ZSCAN30: variants seen among roughly 807,000 people sequenced by gnomAD.
ZSCAN30 encodes zinc finger and SCAN domain containing 30.
ZSCAN30 carries 37 observed loss-of-function variants against 44.3 expected under a neutral mutation model. The observed-to-expected ratio is 0.84, with a 90% CI of 0.64 to 1.10. The LOEUF (loss-of-function observed/expected upper bound fraction) is 1.10, where lower values mean the gene tolerates loss of function less well. Among genes scored for constraint, ZSCAN30 ranks in the 50% least tolerant of loss-of-function variants. ZSCAN30 has a pLI of 0.00. For missense variants in ZSCAN30, 549 were observed against 582.6 expected, an observed-to-expected ratio of 0.94 and a Z score of 0.59; for synonymous variants, 181 against 204.6, an observed-to-expected ratio of 0.88 and a Z score of 0.98.
In ZSCAN30 at chr18:35,253,859, C is replaced by T; in HGVS notation, c.1076G>A (p.Cys359Tyr). ...CCTGAAGGCTTTTCCACATTCACAACATTCATAGGGTTTTTCACCACTATG... is the reference window on the plus strand; with the variant it reads ...CCTGAAGGCTTTTCCACATTCACAATATTCATAGGGTTTTTCACCACTATG... ...RIHSGEKPYE[C>Y]CECGKAFRGS... Residue 359 changes from cysteine to tyrosine, a missense_variant, in exon 4 of 4, where the codon TGT (cysteine) becomes TAT (tyrosine). Cys to Tyr is a radical substitution (Grantham distance 194). Coordinates refer to ENST00000333206, the MANE Select transcript of ZSCAN30 (RefSeq NM_001112734.4). 1 of 1,614,202 alleles carries T rather than the reference C, an allele frequency of 6.2e-7. No homozygotes were observed. The highest frequency in any genetic ancestry group is 2.2e-5 in the East Asian group (1 of 44,892).
rs544570583 is a variant in ZSCAN30, at chr18:35,287,627, G to A, written c.-104+2457C>T. ...TTACCCTAAATCTCAGAGTTGTATG[G>A]GTAGAAACAAATTAATTCCAGATGG... On this transcript the variant is annotated intron_variant, in intron 1 of 3. Coordinates refer to ENST00000333206, the MANE Select transcript of ZSCAN30 (RefSeq NM_001112734.4). Among the ~76,000 whole-genome samples the A allele has an allele frequency of 1.9e-4, 28 of 150,714 alleles. No homozygotes were observed. In the South Asian group the frequency reaches 5.9e-3, roughly 32 times the overall value.
intron 1 of ZSCAN30, among the ~76,000 whole-genome samples, chr18:35,285,844 G>A (rs1569086020): frequency 6.6e-6 from 1 of 151,760 alleles, no homozygotes; most frequent in Non-Finnish European, 1.5e-5. Context: ...GAGAAAAAAG[G>A]AAATAATAAG....
chr18:35,271,150 C>G (rs8094729), intron 1 of ZSCAN30, among the ~76,000 whole-genome samples: 134,838 of 151,994 alleles, frequency 0.89, 60,141 homozygotes, highest in Non-Finnish European at 0.92. Flanking sequence ...ACCCTCCGCA[C>G]TGTGGAAAAG....
In ZSCAN30 at chr18:35,253,381, T is replaced by C; in HGVS notation, c.*69A>G. 1.4e-6 allele frequency: 2 copies of C among 1,390,778 alleles called. No individual in the cohort carries two copies. 86.2% of individuals were successfully genotyped at this position (1,390,778 alleles called of 1,614,324 possible). ...AGTTCTGCTCTCAGGAAACTTTTCT[T>C]TTCTGTGGAGTCTCACCCCTACAGT... On this transcript the variant is annotated 3_prime_UTR_variant, in exon 4 of 4. Coordinates refer to ENST00000333206, the MANE Select transcript of ZSCAN30 (RefSeq NM_001112734.4).
chr18:35,251,951 T>C lies in ZSCAN30; in HGVS notation c.*1499A>G, dbSNP rs1420826972. The stretch of plus-strand genomic sequence containing the variant: ...AATCAAACTTTCTTTTAGGTATTAA[T>C]TGCCCTCAGCAATTGTGGGTTAATT... On this transcript the variant is annotated 3_prime_UTR_variant, in exon 4 of 4. Transcript: ENST00000333206. The C allele has an allele frequency of 4.6e-5, 7 of 152,204 alleles. No homozygotes were observed. Among genetic ancestry groups the C allele is most frequent in the Non-Finnish European group, 1.0e-4 (7 of 68,046 alleles). The allele number at this position is 152,204 out of a possible 1,614,324, so 9.4% of individuals were successfully genotyped here. A position where few individuals can be genotyped will look rare whatever the true frequency, so the allele number is the denominator to read the frequency against.
At chr18:35,263,434 G>C (rs1043093055) in intron 3 of ZSCAN30, 79 bp downstream of exon 3, 2 of 1,562,424 alleles carry the variant, frequency 1.3e-6, no homozygotes, top group African/African-American at 1.4e-5. Flanking sequence ...ACAAGTGGCT[G>C]TCGTTAAGAA....
intron 3 of ZSCAN30, chr18:35,263,270 GA>G (rs1046868151): frequency 4.4e-5 from 20 of 459,768 alleles, no homozygotes; most frequent in South Asian, 3.3e-4. Context: ...AAAAGAAAAA[GA>G]AAAAAAATAA....
chr18:35,254,590 A>G, intron 3 of ZSCAN30: 1 of 796,586 alleles, frequency 1.3e-6, no homozygotes, highest in South Asian at 1.8e-5. Flanking sequence ...GAAATGAATT[A>G]GTATTGGAGA....
At chr18:35,262,263 G>A (rs2044042726) in intron 3 of ZSCAN30, 1 of 152,146 alleles carries the variant, frequency 6.6e-6, no homozygotes, top group South Asian at 2.1e-4. Flanking sequence ...AGATTGCTTG[G>A]TGAAGACAAA....
intron 3 of ZSCAN30, chr18:35,262,445 C>T (rs2044046321): frequency 1.3e-5 from 2 of 152,228 alleles, no homozygotes; most frequent in African/African-American, 4.8e-5. Flanking sequence ...CAAATCTACG[C>T]TTCATTGCCC....
In ZSCAN30 at chr18:35,281,517, G is replaced by T. The variant is rs532303723; in HGVS notation, c.-104+8567C>A. ...TTCATATCATCACTTTTGGGTAAAA[G>T]GTTAACAAAACACTTTACCTTTGTA... On this transcript the variant is annotated intron_variant, in intron 1 of 3. Coordinates refer to ENST00000333206, the MANE Select transcript of ZSCAN30 (RefSeq NM_001112734.4). 3.3e-5 allele frequency: 5 copies of T among 152,144 alleles called. No homozygotes were observed. In the South Asian group the frequency reaches 1.0e-3, roughly 32 times the overall value. The allele number at this position is 152,144 out of a possible 1,614,324, so 9.4% of individuals were successfully genotyped here.
chr18:35,270,920 G>A (rs1161395578), intron 1 of ZSCAN30, among the ~76,000 whole-genome samples: 4 of 152,214 alleles, frequency 2.6e-5, no homozygotes, highest in Non-Finnish European at 5.9e-5. Context: ...CAGGAGTGAA[G>A]CTGCAGAACT....
chr18:35,262,454 C>T (rs1393536534), intron 3 of ZSCAN30: 1 of 152,178 alleles, frequency 6.6e-6, no homozygotes, highest in African/African-American at 2.4e-5. Context: ...GCTTCATTGC[C>T]CTGTCTGTGA....
chr18:35,278,302 T>G (rs1050642465), intron 1 of ZSCAN30, among the ~76,000 whole-genome samples: 2 of 152,212 alleles, frequency 1.3e-5, no homozygotes, highest in East Asian at 3.8e-4. Flanking sequence ...CCCTTGGTAG[T>G]GTCCCCACCC....
At chr18:35,258,117 A>G (rs1237608444) in intron 3 of ZSCAN30, 2 of 675,660 alleles carry the variant, frequency 3.0e-6, no homozygotes, top group Non-Finnish European at 5.4e-6. Context: ...TTTAAACCTC[A>G]TGACCTAGGT....
chr18:35,259,867 A>T (rs892338354), intron 3 of ZSCAN30, among the ~76,000 whole-genome samples: 2 of 152,244 alleles, frequency 1.3e-5, no homozygotes, highest in African/African-American at 4.8e-5. Context: ...TTCTTTTTTA[A>T]AAGTTTAATT....
rs769926445 is a variant in ZSCAN30, at chr18:35,253,488, C to T, written c.1447G>A (p.Gly483Ser). The T allele has an allele frequency of 4.8e-5, 77 of 1,604,158 alleles. No homozygotes were observed. Among genetic ancestry groups the T allele is most frequent in the Non-Finnish European group, 6.5e-5 (76 of 1,174,060 alleles). The change falls in exon 4 of 4, where the codon GGC (glycine) becomes AGC (serine). Residue 483 changes from glycine (G) to serine (S), a missense_variant. Coordinates refer to ENST00000333206, the MANE Select transcript of ZSCAN30 (RefSeq NM_001112734.4). ...TGTGTTCTCTGATGCTGCATAAGGC[C>T]TGACCTATGCCTAAATGTTTTTCTA... is the stretch of plus-strand genomic sequence containing the variant. ...ECRKTFRHRS[G>S]LMQHQRTHTR...
chr18:35,253,490 G>A lies in ZSCAN30; in HGVS notation c.1445C>T (p.Ser482Leu). 1.2e-6 allele frequency: 2 copies of A among 1,606,052 alleles called. No homozygotes were observed. Among genetic ancestry groups the A allele is most frequent in the Non-Finnish European group, 1.7e-6 (2 of 1,175,098 alleles). ...SECRKTFRHR[S>L]GLMQHQRTHT... The stretch of plus-strand genomic sequence containing the variant: ...TGTTCTCTGATGCTGCATAAGGCCT[G>A]ACCTATGCCTAAATGTTTTTCTACA... The change falls in exon 4 of 4, where the codon TCA (serine) becomes TTA (leucine). Residue 482 changes from serine (S) to leucine (L), a missense_variant. Ser to Leu is a moderately radical substitution (Grantham distance 145). Coordinates refer to ENST00000333206, the MANE Select transcript of ZSCAN30 (RefSeq NM_001112734.4).
chr18:35,254,357 A>C lies in ZSCAN30; in HGVS notation c.578T>G (p.Val193Gly), dbSNP rs753515528. Reference sequence around the variant, plus strand: ...AACAATTTCTTGCTTTGCCATCAACACTTTGCCAGCCACCATCCTGCCATC... The same window carrying C: ...AACAATTTCTTGCTTTGCCATCAACCCTTTGCCAGCCACCATCCTGCCATC... ...ERDGRMVAGKVLMAKQEIVEC... is the reference protein window; with the variant it reads ...ERDGRMVAGKGLMAKQEIVEC... Residue 193 changes from valine to glycine, a missense_variant, in exon 4 of 4, where the codon GTG becomes GGG. Val to Gly is a moderately radical substitution (Grantham distance 109). Coordinates refer to ENST00000333206, the MANE Select transcript of ZSCAN30 (RefSeq NM_001112734.4). 6.8e-6 allele frequency: 11 copies of C among 1,613,786 alleles called. No homozygotes were observed. Among genetic ancestry groups the C allele is most frequent in the African/African-American group, 4.0e-5 (3 of 74,918 alleles).
Sources: allele counts gnomAD v4.1 joint callset (sites outside exome capture counted in the v4.1 genomes callset), GRCh38; gene constraint gnomAD v4.1.1; transcripts MANE v1.5; gene names NCBI Gene and HGNC (gene_info 2026-07-23, HGNC 2026-07-21).